Variants in PLCL2 observed in about 807,000 individuals in gnomAD.
PLCL2 encodes phospholipase C like 2.
PLCL2 carries 4 observed loss-of-function variants against 79.6 expected under a neutral mutation model. The observed-to-expected ratio is 0.05, with a 90% CI of 0.02 to 0.11. PLCL2 has a LOEUF of 0.11. Among genes scored for constraint, PLCL2 ranks in the 10% least tolerant of loss-of-function variants. The pLI, the probability that PLCL2 is intolerant of heterozygous loss-of-function variation, is 1.00. For missense variants in PLCL2, 895 were observed against 1,291.0 expected, an observed-to-expected ratio of 0.69 and a Z score of 4.70; for synonymous variants, 484 against 457.7, an observed-to-expected ratio of 1.06 and a Z score of -0.73.
At chr3:17,042,641 A>G (rs2064737054) in intron 3 of PLCL2, 1 of 429,554 alleles carries the variant, frequency 2.3e-6, no homozygotes, top group South Asian at 2.9e-5. Context: ...GTGTTGTACT[A>G]GCCTCACTGC....
chr3:16,886,585 CTGTT>C lies in PLCL2; in HGVS notation c.327+1222_327+1225del, dbSNP rs1235459946. ...GTGAAACTGCATTTCCCTTTGTCAT[CTGTT>C]TGCGCAGTTTATGTCTGGGCAAGGA... On this transcript the variant is annotated intron_variant, in intron 1 of 5. Coordinates refer to ENST00000615277, the MANE Select transcript of PLCL2 (RefSeq NM_001144382.2). This position sits in a 1 kb window ranked among gnomAD's most constrained non-coding sequence, Gnocchi z 4.2. 2.2e-4 allele frequency among the ~76,000 whole-genome samples: 34 copies of C among 152,190 alleles called. 1 individual carries two copies. Among genetic ancestry groups the C allele is most frequent in the Non-Finnish European group, 4.4e-5 (3 of 68,022 alleles).
At chr3:17,060,985 T>G (rs751099110) in intron 4 of PLCL2, among the ~76,000 whole-genome samples, 4 of 152,196 alleles carry the variant, frequency 2.6e-5, no homozygotes, top group African/African-American at 7.2e-5. Flanking sequence ...GCAAAGTAAA[T>G]TTTCAGTTGA....
chr3:17,025,314 T>A (rs2064504756), intron 3 of PLCL2, among the ~76,000 whole-genome samples: 1 of 152,102 alleles, frequency 6.6e-6, no homozygotes, highest in Non-Finnish European at 1.5e-5. Context: ...TTTAGAGAGG[T>A]ATATACTTTT....
chr3:16,893,960 T>C (rs1696411556), intron 1 of PLCL2, among the ~76,000 whole-genome samples: 2 of 152,130 alleles, frequency 1.3e-5, no homozygotes, highest in Non-Finnish European at 2.9e-5. Context: ...AAATTGAAAA[T>C]GCCCAGGAAG....
At chr3:17,027,469 G>A (rs112779091) in intron 3 of PLCL2, among the ~76,000 whole-genome samples, 3 of 152,172 alleles carry the variant, frequency 2.0e-5, no homozygotes, top group Non-Finnish European at 4.4e-5. Context: ...CAGAAACTAA[G>A]CCTAAGCCTA....
intron 5 of PLCL2, among the ~76,000 whole-genome samples, chr3:17,087,776 C>T (rs184469312): frequency 3.3e-5 from 5 of 152,174 alleles, no homozygotes; most frequent in Admixed American, 3.3e-4. Context: ...GTGGTTTCTG[C>T]TCTGTTTTGC....
At chr3:16,999,467 A>G (rs930935138) in intron 1 of PLCL2, among the ~76,000 whole-genome samples, 1 of 152,242 alleles carries the variant, frequency 6.6e-6, no homozygotes, top group Admixed American at 6.5e-5. Context: ...TCTAATGTAC[A>G]GTGTACCAAA....
intron 3 of PLCL2, among the ~76,000 whole-genome samples, chr3:17,022,275 C>T (rs1040380800): frequency 7.9e-5 from 12 of 152,132 alleles, no homozygotes. Flanking sequence ...CTAAGATATT[C>T]GAAGTACTGT....
chr3:16,945,952 A>G (rs2063596314), intron 1 of PLCL2, among the ~76,000 whole-genome samples: 2 of 152,264 alleles, frequency 1.3e-5, no homozygotes, highest in South Asian at 2.1e-4. Context: ...ACGTTTCACT[A>G]CTTTTCTCTT....
chr3:16,973,251 G>C (rs1324121500), intron 1 of PLCL2, among the ~76,000 whole-genome samples: 1 of 152,010 alleles, frequency 6.6e-6, no homozygotes, highest in Non-Finnish European at 1.5e-5. Flanking sequence ...GCTTAGTTTG[G>C]CTCTGCCACG....
At chr3:16,956,568 C>G (rs1305847367) in intron 1 of PLCL2, among the ~76,000 whole-genome samples, 1 of 152,226 alleles carries the variant, frequency 6.6e-6, no homozygotes, top group Non-Finnish European at 1.5e-5. Context: ...AGGATTCCCT[C>G]TTTTTCTATT....
At chr3:17,059,349 A>G (rs1222243078) in intron 4 of PLCL2, among the ~76,000 whole-genome samples, 1 of 149,826 alleles carries the variant, frequency 6.7e-6, no homozygotes, top group Admixed American at 6.7e-5. Context: ...ACTGCACTCC[A>G]GCCTAGGTGA....
chr3:16,932,096 G>T (rs751960063), intron 1 of PLCL2, among the ~76,000 whole-genome samples: 27 of 152,190 alleles, frequency 1.8e-4, no homozygotes, highest in Non-Finnish European at 2.9e-4. Context: ...CTTCAGAACT[G>T]TGAGAAACAA....
intron 1 of PLCL2, among the ~76,000 whole-genome samples, chr3:16,895,839 A>G (rs950589382): frequency 6.6e-6 from 1 of 152,246 alleles, no homozygotes; most frequent in Non-Finnish European, 1.5e-5. Context: ...TAAGGGAAAT[A>G]AACCAGCCAC....
intron 4 of PLCL2, among the ~76,000 whole-genome samples, chr3:17,048,247 G>A (rs2064802073): frequency 6.6e-6 from 1 of 152,256 alleles, no homozygotes; most frequent in African/African-American, 2.4e-5. Flanking sequence ...CACTTAACAA[G>A]TGTTCTGTTT....
intron 1 of PLCL2, among the ~76,000 whole-genome samples, chr3:16,949,147 G>T (rs1340645871): frequency 6.6e-6 from 1 of 152,112 alleles, no homozygotes; most frequent in Admixed American, 6.5e-5. Context: ...TAGAATCCTA[G>T]TACATGACTC....
At chr3:17,044,590 GCTCT>G (rs1461980754) in intron 4 of PLCL2, among the ~76,000 whole-genome samples, 2 of 152,142 alleles carry the variant, frequency 1.3e-5, no homozygotes, top group Non-Finnish European at 2.9e-5. Flanking sequence ...ATATCAAGCT[GCTCT>G]CTGTATCTTA....
At chr3:16,952,509 G>C (rs972701026) in intron 1 of PLCL2, among the ~76,000 whole-genome samples, 9 of 151,474 alleles carry the variant, frequency 5.9e-5, no homozygotes, top group Non-Finnish European at 1.3e-4. Flanking sequence ...TAAATGTCTA[G>C]TGGTTAAATA....
At chr3:17,006,729 A>C (rs1437457496) in intron 1 of PLCL2, among the ~76,000 whole-genome samples, 3 of 152,182 alleles carry the variant, frequency 2.0e-5, no homozygotes, top group African/African-American at 7.2e-5. Flanking sequence ...GATAACCAGA[A>C]GTCTCCATTC....
Sources: allele counts gnomAD v4.1 joint callset (sites outside exome capture counted in the v4.1 genomes callset), GRCh38; gene constraint gnomAD v4.1.1; non-coding constraint Gnocchi (gnomAD v3.1); transcripts MANE v1.5; gene names NCBI Gene and HGNC (gene_info 2026-07-23, HGNC 2026-07-21).